CDH18: variants seen among roughly 807,000 people sequenced by gnomAD.
The protein encoded by CDH18 is cadherin-18.
CDH18 carries 31 observed loss-of-function variants against 67.9 expected under a neutral mutation model. The ratio of observed to expected loss-of-function variants is 0.46; its 90% CI spans 0.34 to 0.62. The LOEUF is 0.62. CDH18 is among the 20% of genes least tolerant of loss of function. CDH18 has a pLI of 0.01. For missense variants in CDH18, 890 were observed against 975.5 expected (o/e 0.91, Z 1.17); for synonymous variants, 362 against 347.2 (o/e 1.04, Z -0.48).
At chr5:19,561,725 T>G (rs1237295123) in intron 8 of CDH18, among the ~76,000 whole-genome samples, 1 of 152,160 alleles carries the variant, frequency 6.6e-6, no homozygotes, top group African/African-American at 2.4e-5. Context: ...ATGTTTGGCC[T>G]AGGGGAAAAA....
chr5:19,720,795 T>C (rs964583813), intron 5 of CDH18, among the ~76,000 whole-genome samples: 1 of 152,190 alleles, frequency 6.6e-6, no homozygotes, highest in South Asian at 2.1e-4. Flanking sequence ...TTAATTCTTT[T>C]TTGGTAACAC....
chr5:19,527,779 A>G (rs1248008313), intron 9 of CDH18, among the ~76,000 whole-genome samples: 2 of 151,806 alleles, frequency 1.3e-5, no homozygotes, highest in African/African-American at 4.8e-5. Flanking sequence ...CATTTATTAC[A>G]TAGTTATCAT....
intron 1 of CDH18, among the ~76,000 whole-genome samples, chr5:20,373,222 A>G (rs979459666): frequency 8.5e-5 from 13 of 152,196 alleles, no homozygotes; most frequent in African/African-American, 2.9e-4. Context: ...CTGAAATACA[A>G]TTGCCTCTCA....
chr5:19,988,335 G>A, upstream of CDH18: 1 of 154,792 alleles, frequency 6.5e-6, no homozygotes. Context: ...CTTCTCCCTG[G>A]CTCTCCTCTC....
chr5:20,014,862 T>G (rs1737748504), intron 2 of CDH18, among the ~76,000 whole-genome samples: 1 of 152,114 alleles, frequency 6.6e-6, no homozygotes, highest in African/African-American at 2.4e-5. Flanking sequence ...ACTATTGAAC[T>G]GTTGATCATT....
At chr5:20,456,266 G>A (rs1325383117) in intron 1 of CDH18, among the ~76,000 whole-genome samples, 1 of 151,994 alleles carries the variant, frequency 6.6e-6, no homozygotes, top group Non-Finnish European at 1.5e-5. Context: ...AAATAAATAT[G>A]TCCTTATTTT....
chr5:19,628,086 G>A (rs2150167942), intron 5 of CDH18, among the ~76,000 whole-genome samples: 1 of 152,184 alleles, frequency 6.6e-6, no homozygotes, highest in East Asian at 1.9e-4. Flanking sequence ...GGACCTGGTG[G>A]GAGATACTTG....
At chr5:20,322,754 G>C (rs1738161347) in intron 1 of CDH18, among the ~76,000 whole-genome samples, 2 of 152,102 alleles carry the variant, frequency 1.3e-5, no homozygotes, top group African/African-American at 4.8e-5. Context: ...AAAGCCGCTT[G>C]ACAGAGCAAT....
At chr5:20,125,466 T>G (rs1387119297) in intron 2 of CDH18, among the ~76,000 whole-genome samples, 1 of 152,116 alleles carries the variant, frequency 6.6e-6, no homozygotes, top group Non-Finnish European at 1.5e-5. Context: ...TATGCTTGAG[T>G]GGGTTTATGT....
At chr5:20,098,854 C>T (rs1186220399) in intron 2 of CDH18, among the ~76,000 whole-genome samples, 2 of 151,772 alleles carry the variant, frequency 1.3e-5, no homozygotes, top group Non-Finnish European at 2.9e-5. Flanking sequence ...AAAAGTGAAC[C>T]ATTTTACTCT....
At chr5:19,758,439 C>T (rs939205103) in intron 3 of CDH18, among the ~76,000 whole-genome samples, 7 of 152,346 alleles carry the variant, frequency 4.6e-5, no homozygotes, top group Middle Eastern at 3.4e-3. Flanking sequence ...AACAACATCC[C>T]TGTCTGCCAC....
intron 2 of CDH18, among the ~76,000 whole-genome samples, chr5:20,189,155 C>A (rs1738337527): frequency 6.6e-6 from 1 of 152,050 alleles, no homozygotes; most frequent in Non-Finnish European, 1.5e-5. Flanking sequence ...TTTCAAGTCA[C>A]TTTGCCTGTT....
chr5:19,627,496 CAACTGAT>C (rs1751722991), intron 5 of CDH18, among the ~76,000 whole-genome samples: 3 of 152,140 alleles, frequency 2.0e-5, no homozygotes, highest in Admixed American at 2.0e-4. Flanking sequence ...CAGATTGCAA[CAACTGAT>C]TGGTTATGGA....
chr5:20,241,600 C>T (rs1217099532), intron 2 of CDH18, among the ~76,000 whole-genome samples: 1 of 151,930 alleles, frequency 6.6e-6, no homozygotes, highest in Non-Finnish European at 1.5e-5. Flanking sequence ...GCCTGTAATT[C>T]CAGCACTTTG....
intron 5 of CDH18, among the ~76,000 whole-genome samples, chr5:19,639,344 C>T (rs1259373100): frequency 6.6e-6 from 1 of 152,084 alleles, no homozygotes; most frequent in African/African-American, 2.4e-5. Context: ...GCGAAGATGG[C>T]TAGAAACAAA....
At chr5:19,816,569 C>T (rs749064210) in intron 3 of CDH18, among the ~76,000 whole-genome samples, 2 of 151,752 alleles carry the variant, frequency 1.3e-5, no homozygotes, top group African/African-American at 2.4e-5. Context: ...ACAATAACAA[C>T]CTTCACCTCT....
Position 19,759,485 on chromosome 5 carries a change from C to T in CDH18, c.229-12249G>A, listed in dbSNP as rs548326244. On this transcript the variant is annotated intron_variant, in intron 3 of 12. Transcript: ENST00000382275. ...CTGCCAGCTACTAAGTATGTCTATG[C>T]CAATTATGCATTCTGGCACTGGGGA... 2.2e-4 allele frequency among the ~76,000 whole-genome samples: 34 copies of T among 152,282 alleles called. No individual in the cohort carries two copies. The South Asian group carries it at 7.0e-3, about 32-fold the overall frequency.
chr5:19,785,680 ATATATATATAT>A (rs1472970332), intron 3 of CDH18, among the ~76,000 whole-genome samples: 17 of 13,158 alleles, frequency 1.3e-3, no homozygotes, highest in Non-Finnish European at 1.6e-3. Flanking sequence ...AAAAAAAAAA[ATATATATATAT>A]ATATATATAT....
chr5:20,207,655 C>T (rs80116102), intron 2 of CDH18, among the ~76,000 whole-genome samples: 1,689 of 152,118 alleles, frequency 0.011, 32 homozygotes, highest in African/African-American at 0.038. Context: ...AAGACCCATG[C>T]TGTGATCCAA....
Sources: allele counts gnomAD v4.1 joint callset (sites outside exome capture counted in the v4.1 genomes callset), GRCh38; gene constraint gnomAD v4.1.1; transcripts MANE v1.5; gene names NCBI Gene and HGNC (gene_info 2026-07-23, HGNC 2026-07-21).